The following DCBLD1 variants were observed in gnomAD, a reference collection of about 807,000 sequenced individuals.
DCBLD1 encodes the protein discoidin, CUB and LCCL domain-containing protein 1.
DCBLD1 carries 57 observed loss-of-function variants against 71.5 expected under a neutral mutation model. The ratio of observed to expected loss-of-function variants is 0.80; its 90% confidence interval spans 0.64 to 0.99. The LOEUF (loss-of-function observed/expected upper bound fraction) is 0.99, where lower values mean the gene tolerates loss of function less well. Ranked by LOEUF, DCBLD1 falls within the 50% of genes least tolerant of loss-of-function variation. The probability of loss-of-function intolerance (pLI) is 0.00; values close to 1 mark genes in which losing one functional copy is unlikely to be tolerated. For synonymous variants in DCBLD1, 380 were observed against 363.8 expected, an observed-to-expected ratio of 1.04 and a Z score of -0.51; for missense variants, 891 against 923.5, an observed-to-expected ratio of 0.96 and a Z score of 0.46.
chr6:117,503,168 C>G (rs1269002823), intron 1 of DCBLD1, among the ~76,000 whole-genome samples: 1 of 135,380 alleles, frequency 7.4e-6, no homozygotes, highest in African/African-American at 3.2e-5. Context: ...CATAGTAGAT[C>G]CTTGACATTT....
At position 117,482,765 on chromosome 6, in the gene DCBLD1, T is replaced by C; in HGVS notation, c.-17T>C. On this transcript the variant is annotated 5_prime_UTR_variant, in exon 1 of 15. Coordinates refer to ENST00000338728, the MANE Select transcript of DCBLD1 (RefSeq NM_001366458.2). Reference sequence around the variant, plus strand: ...CGAGGGGAGGCCGAGCTTGCCAAGCTGGCGCCCAGCGGGGTCATGGTGCCC... The same window carrying C: ...CGAGGGGAGGCCGAGCTTGCCAAGCCGGCGCCCAGCGGGGTCATGGTGCCC... 1 of 1,131,424 alleles carries C rather than the reference T, an allele frequency of 8.8e-7. No individual in the cohort carries two copies. The highest frequency in any genetic ancestry group is 1.1e-6 in the Non-Finnish European group (1 of 924,066). 70.1% of individuals were successfully genotyped at this position (1,131,424 alleles called of 1,614,324 possible).
intron 14 of DCBLD1, among the ~76,000 whole-genome samples, chr6:117,559,463 A>G (rs1207901410): frequency 1.3e-5 from 2 of 152,202 alleles, no homozygotes; most frequent in Non-Finnish European, 2.9e-5. Context: ...TATCCCTGTC[A>G]TAATCAGTCA....
At chr6:117,524,222 G>A (rs1302993095) in intron 4 of DCBLD1, among the ~76,000 whole-genome samples, 3 of 148,314 alleles carry the variant, frequency 2.0e-5, no homozygotes, top group East Asian at 2.0e-4. Context: ...TTTTTGAGAC[G>A]GAGTTTTGCT....
intron 14 of DCBLD1, chr6:117,569,495 C>G: frequency 1.3e-6 from 2 of 1,529,814 alleles, no homozygotes; most frequent in Non-Finnish European, 1.7e-6. Flanking sequence ...TTAGAAACTT[C>G]GTAGGGAAGT....
Position 117,544,510 on chromosome 6 carries a change from G to A in DCBLD1, c.1446-18G>A. The A allele has an allele frequency of 6.2e-7, 1 of 1,613,486 alleles. No homozygotes were observed. The highest frequency in any genetic ancestry group is 2.2e-5 in the East Asian group (1 of 44,858). Reference sequence around the variant, plus strand: ...ACATTGGCTTATAAATATTCAGTAGGACTTTTTGTCTTGATAGGAAGAAGA... The same window carrying A: ...ACATTGGCTTATAAATATTCAGTAGAACTTTTTGTCTTGATAGGAAGAAGA... On this transcript the variant is annotated intron_variant, in intron 12 of 14. Transcript: ENST00000338728.
chr6:117,503,564 A>C, intron 1 of DCBLD1: 1 of 581,876 alleles, frequency 1.7e-6, no homozygotes, highest in South Asian at 2.2e-5. Context: ...ATCAACAAGA[A>C]GATAAAACTG....
chr6:117,501,589 T>C (rs963134078), intron 1 of DCBLD1, among the ~76,000 whole-genome samples: 1 of 152,180 alleles, frequency 6.6e-6, no homozygotes, highest in African/African-American at 2.4e-5. Context: ...TGCCTTGGCC[T>C]CCCAAAATGC....
At chr6:117,519,224 C>T (rs1183678418) in intron 2 of DCBLD1, among the ~76,000 whole-genome samples, 1 of 151,982 alleles carries the variant, frequency 6.6e-6, no homozygotes, top group African/African-American at 2.4e-5. Context: ...AATGTTATAC[C>T]CTTAATTGTA....
chr6:117,523,912 C>T (rs542833396), intron 4 of DCBLD1, among the ~76,000 whole-genome samples: 1 of 152,284 alleles, frequency 6.6e-6, no homozygotes, highest in South Asian at 2.1e-4. Context: ...CATGCATCTT[C>T]AAAGCTGACA....
intron 12 of DCBLD1, among the ~76,000 whole-genome samples, chr6:117,543,626 C>T (rs1779171905): frequency 6.6e-6 from 1 of 152,176 alleles, no homozygotes; most frequent in Non-Finnish European, 1.5e-5. Flanking sequence ...TCCCAAAGCA[C>T]TGGGATTATA....
intron 14 of DCBLD1, chr6:117,563,488 A>C (rs1044568156): frequency 9.5e-6 from 10 of 1,050,190 alleles, no homozygotes; most frequent in Non-Finnish European, 1.4e-5. Context: ...TTGAGAGGCC[A>C]AGGTGGGTGG....
chr6:117,566,810 A>G (rs780222381), intron 14 of DCBLD1: 13 of 1,257,310 alleles, frequency 1.0e-5, no homozygotes, highest in Non-Finnish European at 1.4e-5. Flanking sequence ...TAAACATTTA[A>G]TAATAATGAA....
chr6:117,489,867 A>G (rs1169250703), intron 1 of DCBLD1, among the ~76,000 whole-genome samples: 2 of 152,218 alleles, frequency 1.3e-5, no homozygotes, highest in African/African-American at 2.4e-5. Flanking sequence ...CCTGGGTGAC[A>G]GAGCGAGACT....
chr6:117,494,080 A>G (rs1777388858), intron 1 of DCBLD1, among the ~76,000 whole-genome samples: 1 of 152,140 alleles, frequency 6.6e-6, no homozygotes, highest in Non-Finnish European at 1.5e-5. Context: ...AGAACACTGT[A>G]TCTGCTACTT....
In DCBLD1 at chr6:117,482,879, A is replaced by G. The variant is rs770176651; in HGVS notation, c.98A>G (p.Gln33Arg). The G allele has an allele frequency of 1.7e-4, 208 of 1,192,396 alleles. 2 individuals are homozygous for G. The Middle Eastern group carries it at 5.1e-3, about 29-fold the overall frequency. 73.9% of individuals were successfully genotyped at this position (1,192,396 alleles called of 1,614,324 possible). ...LLAVSAPLRL[Q>R]AEELGDGCGH... ...GCGGTCTCCGCCCCGCTCCGGCTGC[A>G]GGCGGAGGAGCTGGGTGAGTGGAGC... Residue 33 changes from glutamine to arginine, a missense_variant, in exon 1 of 15, where the codon CAG becomes CGG. By Grantham distance (43) the Gln-to-Arg change is conservative (BLOSUM62 1). Transcript: ENST00000338728.
intron 5 of DCBLD1, among the ~76,000 whole-genome samples, chr6:117,529,472 G>A (rs1778646328): frequency 6.6e-6 from 1 of 152,112 alleles, no homozygotes; most frequent in African/African-American, 2.4e-5. Flanking sequence ...CCATGTACAT[G>A]GGTTAAGTAA....
intron 3 of DCBLD1, 106 bp from the exon 4 acceptor site, chr6:117,521,419 A>T (rs1412941941): frequency 2.1e-6 from 2 of 937,172 alleles, no homozygotes; most frequent in Non-Finnish European, 3.2e-6. Flanking sequence ...CTACATAGTG[A>T]ATAAATGCTT....
chr6:117,522,267 G>A (rs1306451320), intron 4 of DCBLD1, among the ~76,000 whole-genome samples: 2 of 152,132 alleles, frequency 1.3e-5, no homozygotes, highest in African/African-American at 2.4e-5. Context: ...GCTGTCCTGT[G>A]CGTCGTTAGA....
chr6:117,503,871 A>G lies in DCBLD1; in HGVS notation c.217A>G (p.Thr73Ala), dbSNP rs1277184876. 1 of 1,614,134 alleles carries G rather than the reference A, an allele frequency of 6.2e-7. No individual in the cohort carries two copies. Among genetic ancestry groups the G allele is most frequent in the Non-Finnish European group, 8.5e-7 (1 of 1,179,998 alleles). Residue 73 changes from threonine (T) to alanine (A), a missense_variant, in exon 2 of 15, where the codon ACA (threonine) becomes GCA (alanine). Coordinates refer to ENST00000338728, the MANE Select transcript of DCBLD1 (RefSeq NM_001366458.2). The part of the protein sequence containing the change: ...PNHTVCEKTI[T>A]VPKGKRLILR... ...TCACACTGTTTGCGAAAAGACAATT[A>G]CAGTACCAAAGGGGAAAAGACTGAT...
Sources: gnomAD v4.1 joint callset for allele counts (sites outside exome capture counted in the v4.1 genomes callset) on GRCh38, gnomAD v4.1.1 for gene constraint, MANE v1.5 for transcripts, NCBI Gene and HGNC (gene_info 2026-07-23, HGNC 2026-07-21) for gene names.